ZNF141: variants seen among roughly 807,000 people sequenced by gnomAD.
The protein encoded by ZNF141 is zinc finger protein 141 (clone pHZ-44).
Under a neutral mutation model 11.3 loss-of-function variants are expected in ZNF141, and 7 were observed. The observed-to-expected ratio is 0.62, with a 90% CI of 0.35 to 1.16. The LOEUF (loss-of-function observed/expected upper bound fraction) is 1.16, where lower values mean the gene tolerates loss of function less well. Among genes scored for constraint, ZNF141 ranks in the 50% most tolerant of loss-of-function variants. The probability of loss-of-function intolerance (pLI) is 0.02; values close to 1 mark genes in which losing one functional copy is unlikely to be tolerated. For synonymous variants in ZNF141, 183 were observed against 190.7 expected (o/e 0.96, Z 0.33); for missense variants, 535 against 554.0 (o/e 0.97, Z 0.34).
chr4:376,778 A>G lies in ZNF141; in HGVS notation c.*2916A>G, dbSNP rs1210609156. Among the ~76,000 whole-genome samples the G allele has an allele frequency of 6.6e-6, 1 of 152,094 alleles. No individual in the cohort carries two copies. ...TTAGAACAAAGAAGATTATGTTAAT[A>G]CCATGGATAATTTACTGGAAATCTA... On this transcript the variant is annotated 3_prime_UTR_variant, in exon 4 of 4. Coordinates refer to ENST00000240499, the MANE Select transcript of ZNF141 (RefSeq NM_003441.4).
At position 373,399 on chromosome 4, in the gene ZNF141, A is replaced by AGGCTT; in HGVS notation, c.962_963insGGCTT (p.Asn321LysfsTer36). 6.2e-7 allele frequency: 1 copy of AGGCTT among 1,608,810 alleles called. No individual in the cohort carries two copies. The highest frequency in any genetic ancestry group is 2.2e-5 in the East Asian group (1 of 44,632). On this transcript the variant is annotated frameshift_variant, in exon 4 of 4. Transcript: ENST00000240499. LOFTEE classifies it low-confidence loss of function (END_TRUNC). ...TGTGAAGAATGTGGCAAAGCCTTTA[A>AGGCTT]TAGGTCCACAACCCTTACTAAACAT...
chr4:377,774 A>T lies in ZNF141; in HGVS notation c.*3912A>T, dbSNP rs974215808. 6.6e-6 allele frequency among the ~76,000 whole-genome samples: 1 copy of T among 152,224 alleles called. No homozygotes were observed. The highest frequency in any genetic ancestry group is 1.5e-5 in the Non-Finnish European group (1 of 68,042). The stretch of plus-strand genomic sequence containing the variant: ...GTGTGTAAAATGTAACAAAAGTTAG[A>T]ATAAGTAAAACATTAATATAAGTGG... On this transcript the variant is annotated 3_prime_UTR_variant, in exon 4 of 4. Transcript: ENST00000240499.
At chr4:350,147 G>A (rs782577371) in intron 3 of ZNF141, 4 of 534,684 alleles carry the variant, frequency 7.5e-6, no homozygotes, top group South Asian at 5.6e-5. Flanking sequence ...TTACAGAACT[G>A]CTTCAGAATC....
chr4:355,738 G>T (rs1033020907), intron 3 of ZNF141, among the ~76,000 whole-genome samples: 1 of 151,960 alleles, frequency 6.6e-6, no homozygotes, highest in African/African-American at 2.4e-5. Flanking sequence ...AATATTCTAG[G>T]GTTGGTAATT....
intron 3 of ZNF141, among the ~76,000 whole-genome samples, chr4:362,853 C>T (rs1553852407): frequency 6.6e-6 from 1 of 152,152 alleles, no homozygotes; most frequent in African/African-American, 2.4e-5. Context: ...ATTGTCTTGG[C>T]AATGCAGGCT....
At chr4:347,356 T>G (rs1295475624) in intron 3 of ZNF141, among the ~76,000 whole-genome samples, 1 of 148,990 alleles carries the variant, frequency 6.7e-6, no homozygotes, top group Non-Finnish European at 1.5e-5. Context: ...TTTTTTTTTT[T>G]TGAGACTGAG....
At position 373,569 on chromosome 4, in the gene ZNF141, C is replaced by T. The variant is rs374378907; in HGVS notation, c.1132C>T (p.Arg378Trp). Residue 378 changes from arginine (R) to tryptophan (W), a missense_variant, in exon 4 of 4, where the codon CGG becomes TGG. Arg to Trp is a moderately radical substitution (Grantham distance 101). Coordinates refer to ENST00000240499, the MANE Select transcript of ZNF141 (RefSeq NM_003441.4). Reference protein sequence around the residue: ...KCDECGKAFGRSRVLNEHKKI... With the variant: ...KCDECGKAFGWSRVLNEHKKI... ...TGATGAATGTGGCAAAGCCTTTGGA[C>T]GGTCCAGGGTCCTGAATGAACATAA... is the stretch of plus-strand genomic sequence containing the variant. 86 of 1,611,422 alleles carry T rather than the reference C, an allele frequency of 5.3e-5. No individual in the cohort carries two copies. The highest frequency in any genetic ancestry group is 6.6e-5 in the Non-Finnish European group (78 of 1,179,276).
chr4:383,381 A>C lies in ZNF141; in HGVS notation c.*9519A>C. 1.0e-4 allele frequency: 46 copies of C among 440,042 alleles called. No homozygotes were observed. Among genetic ancestry groups the C allele is most frequent in the East Asian group, 1.4e-4 (4 of 29,314 alleles). The allele number at this position is 440,042 out of a possible 1,614,324, so 27.3% of individuals were successfully genotyped here. ...ATACACCCATTAAAGACAGGATCTC[A>C]GGACAGATTGATCACAAATAACCTG... On this transcript the variant is annotated 3_prime_UTR_variant, in exon 4 of 4. Transcript: ENST00000240499.
rs1712312566 is a variant in ZNF141, at chr4:375,381, C to G, written c.*1519C>G. The G allele has an allele frequency of 6.6e-6, 1 of 151,946 alleles. No homozygotes were observed. Among genetic ancestry groups the G allele is most frequent in the Admixed American group, 6.6e-5 (1 of 15,262 alleles). 9.4% of individuals were successfully genotyped at this position (151,946 alleles called of 1,614,324 possible). A position where few individuals can be genotyped will look rare whatever the true frequency, so the allele number is the denominator to read the frequency against. On this transcript the variant is annotated 3_prime_UTR_variant, in exon 4 of 4. Coordinates refer to ENST00000240499, the MANE Select transcript of ZNF141 (RefSeq NM_003441.4). ...CAGAAAATTTATATTGGAGAGAAAT[C>G]CTACAAATGTAATAAATGTGGAAAA...
At chr4:357,380 C>T (rs1721890602) in intron 3 of ZNF141, among the ~76,000 whole-genome samples, 2 of 150,492 alleles carry the variant, frequency 1.3e-5, no homozygotes, top group Non-Finnish European at 2.9e-5. Context: ...GATGTCACCA[C>T]TGCACTCCAG....
Position 377,342 on chromosome 4 carries a change from G to C in ZNF141, c.*3480G>C, listed in dbSNP as rs1712420214. 1.3e-5 allele frequency among the ~76,000 whole-genome samples: 2 copies of C among 152,230 alleles called. No homozygotes were observed. Among genetic ancestry groups the C allele is most frequent in the Non-Finnish European group, 2.9e-5 (2 of 68,044 alleles). On this transcript the variant is annotated 3_prime_UTR_variant, in exon 4 of 4. Transcript: ENST00000240499. ...AGTTTGTAGCTCCAAGTAAGAGATT[G>C]AAAATAATCTGTGGCGAACAAATGG...
At position 381,047 on chromosome 4, in the gene ZNF141, A is replaced by G. The variant is rs979574998; in HGVS notation, c.*7185A>G. Among the ~76,000 whole-genome samples, 9 of 152,328 alleles carry G rather than the reference A, an allele frequency of 5.9e-5. No individual in the cohort carries two copies. Among genetic ancestry groups the G allele is most frequent in the Admixed American group, 5.2e-4 (8 of 15,306 alleles). ...CCCTTTAGCAATTCAGAATATTTAT[A>G]GCATAATTTTTACCTATACCTGTAG... On this transcript the variant is annotated 3_prime_UTR_variant, in exon 4 of 4. Coordinates refer to ENST00000240499, the MANE Select transcript of ZNF141 (RefSeq NM_003441.4).
Position 337,964 on chromosome 4 carries a change from A to C in ZNF141, c.-20A>C, listed in dbSNP as rs1553847817. The C allele has an allele frequency of 3.7e-6, 6 of 1,612,896 alleles. No individual in the cohort carries two copies. Among genetic ancestry groups the C allele is most frequent in the African/African-American group, 1.3e-5 (1 of 74,904 alleles). On this transcript the variant is annotated 5_prime_UTR_variant, in exon 1 of 4. Transcript: ENST00000240499. ...GGATGATTGGTAGCTAAGACTCCCG[A>C]ATACTTCAGAAGTGGGGAAATGGTG...
rs782536593 is a variant in ZNF141, at chr4:373,846, A to G, written c.1409A>G (p.Lys470Arg). The change falls in exon 4 of 4, where the codon AAG becomes AGG. Residue 470 changes from lysine (K) to arginine (R), a missense_variant. Transcript: ENST00000240499. Reference sequence around the variant, plus strand: ...CGGTTCTCACACCTGAATAAACATAAGAAAATTCATACTTGAGAGAAATCC... The same window carrying G: ...CGGTTCTCACACCTGAATAAACATAGGAAAATTCATACTTGAGAGAAATCC... ...FKRFSHLNKH[K>R]KIHT 1 of 1,603,108 alleles carries G rather than the reference A, an allele frequency of 6.2e-7. No individual in the cohort carries two copies. Among genetic ancestry groups the G allele is most frequent in the South Asian group, 1.1e-5 (1 of 89,736 alleles).
intron 3 of ZNF141, among the ~76,000 whole-genome samples, chr4:352,158 C>T (rs965108462): frequency 1.1e-4 from 17 of 152,008 alleles, no homozygotes; most frequent in African/African-American, 3.4e-4. Context: ...GAGGCCGAGA[C>T]GGGCATATCA....
In ZNF141 at chr4:342,665, A is replaced by G. The variant is rs149802951; in HGVS notation, c.4-1117A>G. ...GTGACTCTCAGCCCAGTCTTCCAGTAGGATCACATGGACAGTTTGAAGAGA... is the reference window on the plus strand; with the variant it reads ...GTGACTCTCAGCCCAGTCTTCCAGTGGGATCACATGGACAGTTTGAAGAGA... On this transcript the variant is annotated intron_variant, in intron 1 of 3. Coordinates refer to ENST00000240499, the MANE Select transcript of ZNF141 (RefSeq NM_003441.4). Among the ~76,000 whole-genome samples, 27 of 152,378 alleles carry G rather than the reference A, an allele frequency of 1.8e-4. No homozygotes were observed. The East Asian group carries it at 5.2e-3, about 29-fold the overall frequency.
At chr4:356,890 G>A (rs1417577605) in intron 3 of ZNF141, among the ~76,000 whole-genome samples, 2 of 147,454 alleles carry the variant, frequency 1.4e-5, no homozygotes, top group African/African-American at 2.5e-5. Context: ...GCATCTACTA[G>A]TTTTTTTTTT....
At chr4:344,270 A>G (rs1373960706) in intron 2 of ZNF141, 65 bp from the exon 3 acceptor site, 11 of 1,356,504 alleles carry the variant, frequency 8.1e-6, no homozygotes, top group African/African-American at 1.5e-5. Context: ...TTAGCGTAGT[A>G]CTAGGTTGGT....
chr4:349,413 CTTTT>C (rs1310035951), intron 3 of ZNF141, among the ~76,000 whole-genome samples: 1 of 152,138 alleles, frequency 6.6e-6, no homozygotes, highest in Non-Finnish European at 1.5e-5. Context: ...CAAACAGTAA[CTTTT>C]TTATTTCTTT....
Sources: gnomAD v4.1 joint callset for allele counts (sites outside exome capture counted in the v4.1 genomes callset) on GRCh38, gnomAD v4.1.1 for gene constraint, MANE v1.5 for transcripts, NCBI Gene and HGNC (gene_info 2026-07-23, HGNC 2026-07-21) for gene names.